The following METTL14 variants were observed in gnomAD, a reference collection of about 807,000 sequenced individuals.
METTL14 encodes N(6)-adenosine-methyltransferase non-catalytic subunit METTL14.
METTL14 carries 32 observed loss-of-function variants against 62.4 expected under a neutral mutation model. The ratio of observed to expected loss-of-function variants is 0.51; its 90% confidence interval spans 0.39 to 0.69. The LOEUF (loss-of-function observed/expected upper bound fraction) is 0.69. Among genes scored for constraint, METTL14 ranks in the 30% least tolerant of loss-of-function variants. The pLI is 0.00. For synonymous variants in METTL14, 150 were observed against 180.0 expected (o/e 0.83, Z 1.34); for missense variants, 340 against 551.9 (o/e 0.62, Z 3.85).
intron 8 of METTL14, among the ~76,000 whole-genome samples, 162 bp downstream of exon 8, chr4:118,700,804 A>G (rs1347782332): frequency 2.0e-5 from 3 of 152,238 alleles, no homozygotes; most frequent in African/African-American, 7.2e-5. Context: ...AACGTAAGAA[A>G]GGCAATACTT....
At chr4:118,698,819 T>C (rs575506987) in intron 7 of METTL14, among the ~76,000 whole-genome samples, 1 of 152,138 alleles carries the variant, frequency 6.6e-6, no homozygotes, top group African/African-American at 2.4e-5. Context: ...AATATGAAAC[T>C]CTAAGGACAG....
chr4:118,708,532 A>G (rs911888806), intron 10 of METTL14, among the ~76,000 whole-genome samples: 1 of 152,226 alleles, frequency 6.6e-6, no homozygotes, highest in Non-Finnish European at 1.5e-5. Context: ...GACACAGTAT[A>G]ATTAACCTTT....
Position 118,710,200 on chromosome 4 carries a change from T to A in METTL14, c.1269T>A (p.Ala423=). Residue 423 remains alanine (A), a synonymous_variant, in exon 11 of 11, where the codon GCT becomes GCA. Transcript: ENST00000388822. ...PRGGGRGGTS[A]GRGRERNRSN... The stretch of plus-strand genomic sequence containing the variant: ...GTGGAGGAAGAGGTGGAACTTCTGC[T>A]GGCCGTGGACGAGAAAGAAATAGAT... 6.2e-7 allele frequency: 1 copy of A among 1,614,172 alleles called. No individual in the cohort carries two copies.
chr4:118,702,891 A>T, intron 8 of METTL14, among the ~76,000 whole-genome samples: 1 of 148,992 alleles, frequency 6.7e-6, no homozygotes. Context: ...TTCAGGGGGA[A>T]CTCCCAACAG....
intron 10 of METTL14, 143 bp from the exon 11 acceptor site, chr4:118,709,855 A>AGTGCCATTCT: frequency 1.3e-6 from 1 of 754,028 alleles, no homozygotes; most frequent in Non-Finnish European, 2.1e-6. Flanking sequence ...ACCACAATTA[A>AGTGCCATTCT]GTGCCATTCT....
intron 6 of METTL14, among the ~76,000 whole-genome samples, chr4:118,695,811 TATG>T (rs1359797674): frequency 6.6e-6 from 1 of 152,028 alleles, no homozygotes; most frequent in Non-Finnish European, 1.5e-5. Context: ...CATTTAATGA[TATG>T]ATAAAATGTA....
chr4:118,701,184 T>TTG (rs1724578500), intron 8 of METTL14, among the ~76,000 whole-genome samples: 1 of 80,192 alleles, frequency 1.2e-5, no homozygotes, highest in East Asian at 2.8e-4. Context: ...TTTTTTTTTG[T>TTG]TTTTTTTTGT....
intron 7 of METTL14, 140 bp from the exon 8 acceptor site, chr4:118,700,410 T>C (rs1031612107): frequency 1.6e-6 from 1 of 610,734 alleles, no homozygotes; most frequent in Non-Finnish European, 2.8e-6. Context: ...GGATAACATT[T>C]ATTTTCTGTT....
rs1011958212 is a variant in METTL14, at chr4:118,712,422, G to A, written c.*2120G>A. On this transcript the variant is annotated 3_prime_UTR_variant, in exon 11 of 11. Coordinates refer to ENST00000388822, the MANE Select transcript of METTL14 (RefSeq NM_020961.4). ...ACTTGAGGTCAGGAGTTTGAGACCA[G>A]CCTGACCAATATGGAGAAATCCCAT... 27 of 152,330 alleles carry A rather than the reference G, an allele frequency of 1.8e-4. No individual in the cohort carries two copies. The highest frequency in any genetic ancestry group is 6.3e-4 in the African/African-American group (26 of 41,560). 9.4% of individuals were successfully genotyped at this position (152,330 alleles called of 1,614,324 possible).
intron 8 of METTL14, among the ~76,000 whole-genome samples, chr4:118,702,865 CT>C (rs923579198): frequency 1.4e-3 from 189 of 139,080 alleles, no homozygotes; most frequent in Non-Finnish European, 2.0e-3. Flanking sequence ...TATACTCTAT[CT>C]TTTTTTTTTT....
rs1488748851 is a variant in METTL14 at position 118,714,236 on chromosome 4, CATCT to C, written c.*3939_*3942del. 6.6e-6 allele frequency: 1 copy of C among 152,164 alleles called. No homozygotes were observed. Among genetic ancestry groups the C allele is most frequent in the Admixed American group, 6.5e-5 (1 of 15,286 alleles). The allele number at this position is 152,164 out of a possible 1,614,324, so 9.4% of individuals were successfully genotyped here. Reference sequence around the variant, plus strand: ...ATATTTTCACTCATTTACTTTCATCCATCTATCTGTGCTTTTTCTCACTTTGATG... The same window carrying C: ...ATATTTTCACTCATTTACTTTCATCCATCTGTGCTTTTTCTCACTTTGATG... On this transcript the variant is annotated 3_prime_UTR_variant, in exon 11 of 11. Transcript: ENST00000388822.
intron 10 of METTL14, among the ~76,000 whole-genome samples, chr4:118,708,799 G>A (rs556319528): frequency 6.6e-6 from 1 of 152,220 alleles, no homozygotes; most frequent in South Asian, 2.1e-4. Context: ...AATTGGACCT[G>A]TCCCAAATAA....
At position 118,706,029 on chromosome 4, in the gene METTL14, C is replaced by G. The variant is rs145726058; in HGVS notation, c.1066+208C>G. Reference sequence around the variant, plus strand: ...ACCTGCTGCCCCCACACATGCATAACCTTTCCAGTTATCAGTATCTCCCAA... The same window carrying G: ...ACCTGCTGCCCCCACACATGCATAAGCTTTCCAGTTATCAGTATCTCCCAA... On this transcript the variant is annotated intron_variant, in intron 10 of 10. Coordinates refer to ENST00000388822, the MANE Select transcript of METTL14 (RefSeq NM_020961.4). 2.9e-3 allele frequency among the ~76,000 whole-genome samples: 439 copies of G among 152,280 alleles called. 1 individual carries two copies. The highest frequency in any genetic ancestry group is 0.01 in the African/African-American group (427 of 41,554).
chr4:118,702,164 C>T (rs937761302), intron 8 of METTL14, among the ~76,000 whole-genome samples: 25 of 146,682 alleles, frequency 1.7e-4, no homozygotes, highest in African/African-American at 5.6e-4. Context: ...CTGTCGCCCA[C>T]GCTGGAGTGC....
chr4:118,702,126 T>C lies in METTL14; in HGVS notation c.738+1484T>C, dbSNP rs575504238. Among the ~76,000 whole-genome samples, 980 of 150,144 alleles carry C rather than the reference T, an allele frequency of 6.5e-3. 6 individuals are homozygous for C. Among genetic ancestry groups the C allele is most frequent in the Middle Eastern group, 0.024 (7 of 292 alleles). On this transcript the variant is annotated intron_variant, in intron 8 of 10. Transcript: ENST00000388822. Reference sequence around the variant, plus strand: ...GATTAGAAGGTTTTTATCTTTTTTTTTTTTTTTTTTTGAGGCAGAGCCTTG... The same window carrying C: ...GATTAGAAGGTTTTTATCTTTTTTTCTTTTTTTTTTTGAGGCAGAGCCTTG...
intron 9 of METTL14, 49 bp downstream of exon 9, chr4:118,704,100 A>G: frequency 1.8e-6 from 2 of 1,142,556 alleles, no homozygotes; most frequent in Non-Finnish European, 2.6e-6. Flanking sequence ...ATTTTCTCTC[A>G]AGCTTTTCCA....
At chr4:118,706,445 GA>G (rs1436018073) in intron 10 of METTL14, among the ~76,000 whole-genome samples, 1 of 152,076 alleles carries the variant, frequency 6.6e-6, no homozygotes, top group Non-Finnish European at 1.5e-5. Context: ...TTTTAGTGCC[GA>G]ATAATATTCC....
rs970499903 is a variant in METTL14, at chr4:118,712,061, A to G, written c.*1759A>G. The G allele has an allele frequency of 4.6e-5, 7 of 152,206 alleles. No homozygotes were observed. The highest frequency in any genetic ancestry group is 1.7e-4 in the African/African-American group (7 of 41,444). The allele number at this position is 152,206 out of a possible 1,614,324, so 9.4% of individuals were successfully genotyped here. A position where few individuals can be genotyped will look rare whatever the true frequency, so the allele number is the denominator to read the frequency against. The stretch of plus-strand genomic sequence containing the variant: ...AGCCATGATCTACCATATTTAGGAA[A>G]AAGTTATTTAAAAAAGAGCAGATGG... On this transcript the variant is annotated 3_prime_UTR_variant, in exon 11 of 11. Transcript: ENST00000388822.
At chr4:118,701,555 A>G (rs1408239332) in intron 8 of METTL14, among the ~76,000 whole-genome samples, 1 of 152,230 alleles carries the variant, frequency 6.6e-6, no homozygotes, top group Non-Finnish European at 1.5e-5. Flanking sequence ...CAACAGTATT[A>G]TGACTAGGTA....
Sources: allele counts gnomAD v4.1 joint callset (sites outside exome capture counted in the v4.1 genomes callset), GRCh38; gene constraint gnomAD v4.1.1; transcripts MANE v1.5; gene names NCBI Gene and HGNC (gene_info 2026-07-23, HGNC 2026-07-21).